Variants in SLC9A4 observed in about 807,000 individuals in gnomAD.
The protein encoded by SLC9A4 is sodium/hydrogen exchanger 4.
Under a neutral mutation model 67.4 loss-of-function variants are expected in SLC9A4, and 63 were observed. That is an observed-to-expected ratio of 0.93 (90% CI 0.76 to 1.15). The LOEUF is 1.15. Among genes scored for constraint, SLC9A4 ranks in the 50% most tolerant of loss-of-function variants. SLC9A4 has a pLI of 0.00. For missense variants in SLC9A4, 1,089 were observed against 987.7 expected (o/e 1.10, Z -1.38); for synonymous variants, 393 against 367.2 (o/e 1.07, Z -0.80).
chr2:102,490,496 A>G (rs561022537), intron 2 of SLC9A4, among the ~76,000 whole-genome samples: 18 of 152,272 alleles, frequency 1.2e-4, no homozygotes, highest in Non-Finnish European at 2.2e-4. Flanking sequence ...AAGGACACCA[A>G]TCATATTGGA....
At chr2:102,505,156 C>CA (rs1685023203) in intron 3 of SLC9A4, 98 bp from the exon 4 acceptor site, 1 of 1,069,344 alleles carries the variant, frequency 9.4e-7, no homozygotes, top group African/African-American at 1.6e-5. Context: ...CCTGCATCAA[C>CA]ACGGGCTTCA....
intron 2 of SLC9A4, among the ~76,000 whole-genome samples, chr2:102,501,170 G>A (rs1184957228): frequency 1.3e-5 from 2 of 151,532 alleles, no homozygotes; most frequent in African/African-American, 2.4e-5. Flanking sequence ...CACCCAGGCT[G>A]GAGTACACTG....
intron 2 of SLC9A4, 98 bp downstream of exon 2, chr2:102,479,400 C>A: frequency 1.6e-6 from 2 of 1,278,506 alleles, no homozygotes; most frequent in Non-Finnish European, 2.1e-6. Context: ...TGTGGCTCAG[C>A]GCAGCAGGAC....
chr2:102,509,643 T>C (rs187244612), intron 6 of SLC9A4, among the ~76,000 whole-genome samples: 270 of 152,324 alleles, frequency 1.8e-3, no homozygotes, highest in Non-Finnish European at 3.2e-3. Context: ...ATCATCTGAA[T>C]CTTATCAGTT....
intron 8 of SLC9A4, among the ~76,000 whole-genome samples, chr2:102,517,378 A>G (rs1685295420): frequency 6.6e-6 from 1 of 152,214 alleles, no homozygotes; most frequent in Admixed American, 6.5e-5. Context: ...ATCCTATGAT[A>G]TGTGTATTCT....
chr2:102,525,587 C>T (rs1451877342), intron 10 of SLC9A4, among the ~76,000 whole-genome samples: 1 of 151,970 alleles, frequency 6.6e-6, no homozygotes, highest in Non-Finnish European at 1.5e-5. Context: ...ACCAAGACTC[C>T]TGGGTCACCT....
chr2:102,474,116 AC>A (rs1266575898), intron 1 of SLC9A4, 101 bp downstream of exon 1: 41 of 1,335,884 alleles, frequency 3.1e-5, no homozygotes, highest in Non-Finnish European at 4.0e-5. Context: ...TTTAACTGTT[AC>A]TGCTATTACA....
chr2:102,521,969 C>T (rs983825998), intron 9 of SLC9A4, among the ~76,000 whole-genome samples: 16 of 152,166 alleles, frequency 1.1e-4, no homozygotes, highest in African/African-American at 3.9e-4. Context: ...AGGACTCCAG[C>T]CAATTCTGTT....
In SLC9A4 at chr2:102,479,053, C is replaced by T; in HGVS notation, c.471C>T (p.Ser157=). The T allele has an allele frequency of 1.2e-6, 2 of 1,614,216 alleles. No individual in the cohort carries two copies. The highest frequency in any genetic ancestry group is 8.5e-7 in the Non-Finnish European group (1 of 1,180,042). ...PTRPFFENIG[S]ILWWAVLGAL... is the part of the protein sequence containing the mutation. The stretch of plus-strand genomic sequence containing the variant: ...GGCCCTTCTTTGAGAACATCGGCTC[C>T]ATCCTGTGGTGGGCAGTATTGGGGG... The change falls in exon 2 of 12, where the codon TCC becomes TCT. Residue 157 remains serine, a synonymous_variant. Coordinates refer to ENST00000295269, the MANE Select transcript of SLC9A4 (RefSeq NM_001011552.4).
At chr2:102,506,371 G>C (rs924567768) in intron 4 of SLC9A4, among the ~76,000 whole-genome samples, 1 of 152,132 alleles carries the variant, frequency 6.6e-6, no homozygotes, top group African/African-American at 2.4e-5. Context: ...TAGGTGAAAT[G>C]GCTGATAACC....
chr2:102,506,938 G>A lies in SLC9A4; in HGVS notation c.1199-1141G>A, dbSNP rs114099399. ...TTGACAGAGCCAGGTGTTGGAATCCGGTTCTCCCGCTCATAGCCTGTTCTC... is the reference window on the plus strand; with the variant it reads ...TTGACAGAGCCAGGTGTTGGAATCCAGTTCTCCCGCTCATAGCCTGTTCTC... On this transcript the variant is annotated intron_variant, in intron 4 of 11. Transcript: ENST00000295269. Among the ~76,000 whole-genome samples the A allele has an allele frequency of 3.5e-3, 529 of 152,202 alleles. 4 individuals carry two copies. Among genetic ancestry groups the A allele is most frequent in the African/African-American group, 0.012 (481 of 41,514 alleles).
chr2:102,509,000 G>A, intron 6 of SLC9A4, 67 bp downstream of exon 6: 2 of 1,307,234 alleles, frequency 1.5e-6, no homozygotes, highest in Non-Finnish European at 2.2e-6. Flanking sequence ...CATGAGACAT[G>A]TGCACGTGTC....
intron 11 of SLC9A4, among the ~76,000 whole-genome samples, chr2:102,529,491 TAACTC>T (rs1449397759): frequency 1.3e-5 from 2 of 152,236 alleles, no homozygotes; most frequent in Non-Finnish European, 2.9e-5. Flanking sequence ...TGCTTGGAAT[TAACTC>T]TACTGTGAAT....
rs543590628 is a variant in SLC9A4 at position 102,501,995 on chromosome 2, T to C, written c.721-1453T>C. Among the ~76,000 whole-genome samples, 16 of 152,264 alleles carry C rather than the reference T, an allele frequency of 1.1e-4. 1 individual carries two copies. The highest frequency in any genetic ancestry group is 9.8e-4 in the Admixed American group (15 of 15,298). On this transcript the variant is annotated intron_variant, in intron 2 of 11. Coordinates refer to ENST00000295269, the MANE Select transcript of SLC9A4 (RefSeq NM_001011552.4). ...GAAGGTCCACACAGTCCATCTATGC[T>C]TCTGCAGCACGCAGAATACCATCAC... is the stretch of plus-strand genomic sequence containing the variant.
intron 1 of SLC9A4, among the ~76,000 whole-genome samples, chr2:102,476,450 C>A (rs1470847468): frequency 2.0e-5 from 3 of 152,162 alleles, no homozygotes; most frequent in African/African-American, 7.2e-5. Flanking sequence ...CTTTACAAGG[C>A]CCTACTTATA....
At chr2:102,476,147 C>G (rs1290832246) in intron 1 of SLC9A4, among the ~76,000 whole-genome samples, 2 of 152,210 alleles carry the variant, frequency 1.3e-5, no homozygotes, top group South Asian at 4.1e-4. Context: ...AAACACCCAA[C>G]TATATGCACT....
chr2:102,494,652 C>T (rs566341303), intron 2 of SLC9A4, among the ~76,000 whole-genome samples: 7 of 151,858 alleles, frequency 4.6e-5, no homozygotes, highest in Admixed American at 4.6e-4. Flanking sequence ...AAAAGATAAA[C>T]CAAGCAAACA....
At chr2:102,498,415 T>C (rs1195758584) in intron 2 of SLC9A4, among the ~76,000 whole-genome samples, 1 of 152,252 alleles carries the variant, frequency 6.6e-6, no homozygotes, top group Non-Finnish European at 1.5e-5. Context: ...GGGTAGCTAC[T>C]AATAATCTAA....
intron 11 of SLC9A4, among the ~76,000 whole-genome samples, chr2:102,531,774 T>A (rs1263459434): frequency 2.0e-5 from 3 of 152,228 alleles, no homozygotes; most frequent in Non-Finnish European, 4.4e-5. Flanking sequence ...GTCTGTCACC[T>A]GCTTAGTCCT....
Sources: allele counts gnomAD v4.1 joint callset (sites outside exome capture counted in the v4.1 genomes callset), GRCh38; gene constraint gnomAD v4.1.1; transcripts MANE v1.5; gene names NCBI Gene and HGNC (gene_info 2026-07-23, HGNC 2026-07-21).